AMN: variants seen among roughly 807,000 people sequenced by gnomAD.
AMN encodes the protein protein amnionless.
A neutral mutation model predicts 49.1 loss-of-function variants in AMN; 40 were observed. The observed-to-expected ratio is 0.81, with a 90% CI of 0.63 to 1.06. The LOEUF (loss-of-function observed/expected upper bound fraction) is 1.06, where lower values mean the gene tolerates loss of function less well. Among genes scored for constraint, AMN ranks in the 50% least tolerant of loss-of-function variants. The pLI is 0.00. For missense variants in AMN, 701 were observed against 662.8 expected (o/e 1.06, Z -0.63); for synonymous variants, 380 against 313.3 (o/e 1.21, Z -2.25).
At chr14:102,928,365 G>A in intron 3 of AMN, 61 bp from the exon 4 acceptor site, 13 of 1,457,078 alleles carry the variant, frequency 8.9e-6, no homozygotes, top group Non-Finnish European at 1.2e-5. Flanking sequence ...CTGGGGGCGG[G>A]GTGGGCGCGG....
At chr14:102,926,317 C>T (rs1234327468) in intron 3 of AMN, among the ~76,000 whole-genome samples, 1 of 152,210 alleles carries the variant, frequency 6.6e-6, no homozygotes, top group African/African-American at 2.4e-5. Flanking sequence ...ACCCAGCTTC[C>T]AGCATCCTCC....
chr14:102,929,751 G>A lies in AMN; in HGVS notation c.843+14G>A, dbSNP rs143303478. The A allele has an allele frequency of 3.6e-5, 56 of 1,549,422 alleles. No individual in the cohort carries two copies. The African/African-American group carries it at 5.5e-4, about 15-fold the overall frequency. On this transcript the variant is annotated intron_variant, in intron 8 of 11. Coordinates refer to ENST00000299155, the MANE Select transcript of AMN (RefSeq NM_030943.4). ...TTCCTGGGTCTGGTAATGGGGCCGC[G>A]CGGGCAGCTGAGGGGAGTCCCGACC... is the stretch of plus-strand genomic sequence containing the variant.
Position 102,928,458 on chromosome 14 carries a change from T to C in AMN, c.240T>C (p.Ala80=). 6.2e-7 allele frequency: 1 copy of C among 1,609,372 alleles called. No individual in the cohort carries two copies. The highest frequency in any genetic ancestry group is 8.5e-7 in the Non-Finnish European group (1 of 1,178,816). ...CGCTGGATGGGGAACTCGTCCTGGC[T>C]TCAGGAGCCGGATTCGGCGTCTCAG... The part of the protein sequence containing the change: ...LLPLDGELVL[A]SGAGFGVSDV... The change falls in exon 4 of 12, where the codon GCT becomes GCC. Residue 80 remains alanine (A), a synonymous_variant. Coordinates refer to ENST00000299155, the MANE Select transcript of AMN (RefSeq NM_030943.4).
chr14:102,923,564 G>C, intron 1 of AMN, 147 bp from the exon 2 acceptor site: 1 of 774,832 alleles, frequency 1.3e-6, no homozygotes, highest in Non-Finnish European at 2.3e-6. Context: ...GGAGGGACCA[G>C]GGTCTGGGTC....
In AMN at chr14:102,929,240, C is replaced by A; in HGVS notation, c.633C>A (p.Cys211Ter). ...GPEDCADPSG[C>*]VCGNAEAQPW... ...AGGACTGCGCGGACCCGTCGGGCTG[C>A]GTCTGCGGCAACGCGGAGGTGAGCG... is the stretch of plus-strand genomic sequence containing the variant. Residue 211 changes from cysteine to a stop codon, truncating the protein, a stop_gained, in exon 6 of 12, where the codon TGC (cysteine) becomes TGA (stop). Coordinates refer to ENST00000299155, the MANE Select transcript of AMN (RefSeq NM_030943.4). LOFTEE classifies it high-confidence loss of function. 2 of 1,505,942 alleles carry A rather than the reference C, an allele frequency of 1.3e-6. No individual in the cohort carries two copies. Among genetic ancestry groups the A allele is most frequent in the South Asian group, 1.3e-5 (1 of 78,120 alleles). The allele number at this position is 1,505,942 out of a possible 1,614,324, so 93.3% of individuals were successfully genotyped here.
intron 3 of AMN, among the ~76,000 whole-genome samples, chr14:102,927,555 C>T (rs1047302177): frequency 3.3e-5 from 5 of 152,190 alleles, no homozygotes; most frequent in Admixed American, 6.5e-5. Context: ...TGTGACCTCA[C>T]GTCGCTGGGG....
At chr14:102,922,918 G>A (rs1309149922) in intron 1 of AMN, 187 bp downstream of exon 1, 7 of 808,668 alleles carry the variant, frequency 8.7e-6, no homozygotes, top group East Asian at 5.7e-5. Context: ...GGAAGTGCGC[G>A]GCCAGTGCAT....
chr14:102,923,906 G>C (rs1024639553), intron 2 of AMN, 29 bp from the exon 3 acceptor site: 14 of 1,613,040 alleles, frequency 8.7e-6, no homozygotes, highest in Admixed American at 1.7e-5. Context: ...GGTTGCTCCC[G>C]GCTCGGCTGA....
chr14:102,928,617 C>G lies in AMN; in HGVS notation c.295+104C>G. On this transcript the variant is annotated intron_variant, in intron 4 of 11. Transcript: ENST00000299155. ...GGCGAGGACCGGAGGGAGGGCGCCT[C>G]CGGGGGCGTGGTTTAGGGAGTGGCG... 9 of 1,499,136 alleles carry G rather than the reference C, an allele frequency of 6.0e-6. No individual in the cohort carries two copies. In the South Asian group the frequency reaches 1.1e-4, roughly 18 times the overall value. The allele number at this position is 1,499,136 out of a possible 1,614,324, so 92.9% of individuals were successfully genotyped here.
Position 102,929,731 on chromosome 14 carries a change from G to T in AMN, c.837G>T (p.Leu279=), listed in dbSNP as rs1206959434. 1.3e-6 allele frequency: 2 copies of T among 1,550,412 alleles called. No homozygotes were observed. The highest frequency in any genetic ancestry group is 3.9e-5 in the Admixed American group (2 of 51,154). The change falls in exon 8 of 12, where the codon CTG becomes CTT. Residue 279 remains leucine, a synonymous_variant. Coordinates refer to ENST00000299155, the MANE Select transcript of AMN (RefSeq NM_030943.4). ...GGGCGCGGATACTGGACACCTTCCT[G>T]GGTCTGGTAATGGGGCCGCGCGGGC... ...RYRARILDTF[L]GLPQYHGLQV...
At chr14:102,925,765 C>T (rs374862336) in intron 3 of AMN, among the ~76,000 whole-genome samples, 5 of 152,266 alleles carry the variant, frequency 3.3e-5, no homozygotes, top group African/African-American at 4.8e-5. Context: ...GTGGGAACAG[C>T]GCAGGGGCAG....
chr14:102,927,722 G>T (rs930399398), intron 3 of AMN, among the ~76,000 whole-genome samples: 2 of 152,238 alleles, frequency 1.3e-5, no homozygotes, highest in Admixed American at 6.5e-5. Flanking sequence ...GAGAAGTGCA[G>T]AAGCAAGAAG....
At chr14:102,922,847 T>C (rs1891089062) in intron 1 of AMN, 116 bp downstream of exon 1, 3 of 1,406,904 alleles carry the variant, frequency 2.1e-6, no homozygotes, top group South Asian at 2.6e-5. Context: ...CAGGGAGGGC[T>C]TTGGAGGGTT....
chr14:102,929,705 C>G lies in AMN; in HGVS notation c.811C>G (p.Arg271Gly), dbSNP rs765147150. Residue 271 changes from arginine (R) to glycine (G), a missense_variant, in exon 8 of 12, where the codon CGG (arginine) becomes GGG (glycine). Transcript: ENST00000299155. ...HGPAFDLERY[R>G]ARILDTFLGL... ...CCCCGCATTTGACCTGGAGCGGTACCGGGCGCGGATACTGGACACCTTCCT... is the reference window on the plus strand; with the variant it reads ...CCCCGCATTTGACCTGGAGCGGTACGGGGCGCGGATACTGGACACCTTCCT... 6.4e-6 allele frequency: 10 copies of G among 1,551,176 alleles called. No individual in the cohort carries two copies. The East Asian group carries it at 2.4e-4, about 38-fold the overall frequency.
At chr14:102,929,849 C>T (rs1371099792) in intron 8 of AMN, 75 bp from the exon 9 acceptor site, 2 of 1,546,500 alleles carry the variant, frequency 1.3e-6, no homozygotes, top group Non-Finnish European at 1.7e-6. Context: ...CCACTATCTG[C>T]CTCTGCCCTT....
intron 5 of AMN, 23 bp from the exon 6 acceptor site, chr14:102,929,098 G>T (rs762625919): frequency 4.4e-6 from 7 of 1,597,516 alleles, no homozygotes; most frequent in Middle Eastern, 1.6e-4. Context: ...GGCTGGCTCC[G>T]GTGGGGACCC....
Position 102,928,781 on chromosome 14 carries a change from T to C in AMN, c.319T>C (p.Ser107Pro). 6.2e-7 allele frequency: 1 copy of C among 1,608,652 alleles called. No individual in the cohort carries two copies. The highest frequency in any genetic ancestry group is 8.5e-7 in the Non-Finnish European group (1 of 1,179,828). The change falls in exon 5 of 12, where the codon TCT (serine) becomes CCT (proline). Residue 107 changes from serine to proline, a missense_variant. By Grantham distance (74) the Ser-to-Pro change is moderately conservative. Transcript: ENST00000299155. ...AGGCGAACCTGCCGTCTTCCGCGAC[T>C]CTGACCGCTTCTCCTGGCATGACCC... ...GAGEPAVFRD[S>P]DRFSWHDPHL... is the part of the protein sequence containing the mutation.
intron 3 of AMN, among the ~76,000 whole-genome samples, chr14:102,926,365 G>A (rs1304612181): frequency 6.6e-6 from 1 of 152,048 alleles, no homozygotes; most frequent in African/African-American, 2.4e-5. Context: ...GGAATCCGTC[G>A]TGTGCCTGGG....
chr14:102,928,338 C>T (rs1891233909), intron 3 of AMN, 88 bp from the exon 4 acceptor site: 3 of 1,261,914 alleles, frequency 2.4e-6, no homozygotes, highest in Non-Finnish European at 2.2e-6. Context: ...AGGGTCTCGG[C>T]TTCTCGTCCC....
Sources: allele counts gnomAD v4.1 joint callset (sites outside exome capture counted in the v4.1 genomes callset), GRCh38; gene constraint gnomAD v4.1.1; transcripts MANE v1.5; gene names NCBI Gene and HGNC (gene_info 2026-07-23, HGNC 2026-07-21).